The following STK32B variants were observed in gnomAD, a reference collection of about 807,000 sequenced individuals.
STK32B encodes serine/threonine-protein kinase 32B.
In STK32B, 43 loss-of-function variants were observed where a neutral mutation model predicts 52.6. The observed-to-expected ratio is 0.82, with a 90% CI of 0.64 to 1.05. The LOEUF is 1.05. Ranked by LOEUF, STK32B falls within the 50% of genes least tolerant of loss-of-function variation. The pLI is 0.00. For synonymous variants in STK32B, 238 were observed against 204.3 expected (o/e 1.17, Z -1.41); for missense variants, 621 against 534.6 (o/e 1.16, Z -1.59).
intron 1 of STK32B, among the ~76,000 whole-genome samples, chr4:5,135,644 G>A (rs1461750755): frequency 6.6e-6 from 1 of 152,152 alleles, no homozygotes; most frequent in South Asian, 2.1e-4. Flanking sequence ...ACAGGAAGGA[G>A]TGGCTTCCCT....
intron 3 of STK32B, among the ~76,000 whole-genome samples, chr4:5,250,870 G>T (rs1458560125): frequency 6.6e-6 from 1 of 152,128 alleles, no homozygotes; most frequent in Non-Finnish European, 1.5e-5. Context: ...CTTTTGAAAA[G>T]TGTCTGTTCA....
In STK32B at chr4:5,458,048, G is replaced by T. The variant is rs1050893929; in HGVS notation, c.783+1125G>T. 5.9e-5 allele frequency among the ~76,000 whole-genome samples: 9 copies of T among 152,172 alleles called. No individual in the cohort carries two copies. In the South Asian group the frequency reaches 6.2e-4, roughly 11 times the overall value. On this transcript the variant is annotated intron_variant, in intron 8 of 11. Coordinates refer to ENST00000282908, the MANE Select transcript of STK32B (RefSeq NM_018401.3). The stretch of plus-strand genomic sequence containing the variant: ...TTAGACTAAAGCAGTGGTTCCCAAG[G>T]TATGGGCCTAGGACCAGCCAGCATC...
chr4:5,193,211 T>G (rs544518299), intron 3 of STK32B, among the ~76,000 whole-genome samples: 1 of 152,218 alleles, frequency 6.6e-6, no homozygotes, highest in Non-Finnish European at 1.5e-5. Context: ...TAAGAGCATG[T>G]TGGAATCCGC....
intron 4 of STK32B, among the ~76,000 whole-genome samples, chr4:5,344,352 C>A (rs551185134): frequency 5.9e-5 from 9 of 152,312 alleles, no homozygotes; most frequent in Admixed American, 5.9e-4. Flanking sequence ...TACATAGTGT[C>A]TCTTACTATC....
At chr4:5,311,590 T>A (rs1730292063) in intron 3 of STK32B, among the ~76,000 whole-genome samples, 1 of 151,934 alleles carries the variant, frequency 6.6e-6, no homozygotes, top group Non-Finnish European at 1.5e-5. Context: ...AAACCAGGAA[T>A]GAAACAGAGG....
At chr4:5,368,379 C>T (rs1158933868) in intron 4 of STK32B, among the ~76,000 whole-genome samples, 1 of 151,106 alleles carries the variant, frequency 6.6e-6, no homozygotes, top group East Asian at 1.9e-4. Context: ...ACTATTATTC[C>T]TAATTATAAA....
chr4:5,444,806 A>G (rs555668258), intron 6 of STK32B, among the ~76,000 whole-genome samples: 1 of 152,306 alleles, frequency 6.6e-6, no homozygotes, highest in East Asian at 1.9e-4. Context: ...ATTCTACACA[A>G]CTGAGGCAGA....
chr4:5,238,528 A>G (rs1475444584), intron 3 of STK32B, among the ~76,000 whole-genome samples: 2 of 152,204 alleles, frequency 1.3e-5, no homozygotes, highest in Non-Finnish European at 2.9e-5. Flanking sequence ...ACACATGAAC[A>G]TGACCTCCAG....
intron 3 of STK32B, among the ~76,000 whole-genome samples, chr4:5,267,293 G>A (rs1359800150): frequency 6.6e-6 from 1 of 152,104 alleles, no homozygotes; most frequent in Non-Finnish European, 1.5e-5. Flanking sequence ...TTTAAATTCA[G>A]TTCAGTCTTT....
chr4:5,486,393 G>A (rs1388822792), intron 11 of STK32B, among the ~76,000 whole-genome samples: 3 of 152,188 alleles, frequency 2.0e-5, no homozygotes, highest in Admixed American at 6.5e-5. Context: ...AGCCAGGCGC[G>A]GGATGTAATT....
At chr4:5,188,328 T>C (rs746544210) in intron 3 of STK32B, among the ~76,000 whole-genome samples, 1 of 152,176 alleles carries the variant, frequency 6.6e-6, no homozygotes. Flanking sequence ...TAATGGGAAG[T>C]ATTCACCTGC....
chr4:5,265,347 A>G (rs1016410051), intron 3 of STK32B, among the ~76,000 whole-genome samples: 3 of 152,256 alleles, frequency 2.0e-5, no homozygotes, highest in South Asian at 4.1e-4. Flanking sequence ...AACCTGCTGC[A>G]TACATGGGCT....
intron 1 of STK32B, among the ~76,000 whole-genome samples, chr4:5,052,367 G>GC (rs1272687783): frequency 6.6e-6 from 1 of 152,104 alleles, no homozygotes; most frequent in Non-Finnish European, 1.5e-5. Flanking sequence ...TTGGTCTCGT[G>GC]CAAGGGCCTG....
At chr4:5,260,590 G>C (rs1726648055) in intron 3 of STK32B, among the ~76,000 whole-genome samples, 1 of 152,148 alleles carries the variant, frequency 6.6e-6, no homozygotes, top group African/African-American at 2.4e-5. Flanking sequence ...ACTTTGAAAG[G>C]GCCTTCTGGA....
intron 3 of STK32B, among the ~76,000 whole-genome samples, chr4:5,317,256 T>TAACATATATATAATATATAAC (rs1560313511): frequency 4.7e-5 from 2 of 42,820 alleles, no homozygotes; most frequent in African/African-American, 2.9e-4. Context: ...ATATATAACA[T>TAACATATATATAATATATAAC]ATAACATATA....
intron 3 of STK32B, among the ~76,000 whole-genome samples, chr4:5,322,970 C>G (rs1731615730): frequency 6.6e-6 from 1 of 152,192 alleles, no homozygotes; most frequent in Admixed American, 6.5e-5. Flanking sequence ...AGAAAACTGA[C>G]CTAGTGACCT....
intron 6 of STK32B, among the ~76,000 whole-genome samples, chr4:5,443,647 A>G (rs1036299941): frequency 7.9e-5 from 12 of 152,122 alleles, no homozygotes; most frequent in Non-Finnish European, 1.0e-4. Context: ...CTGGTGAGGA[A>G]CTGCATTCCT....
chr4:5,271,614 T>C (rs1191631334), intron 3 of STK32B, among the ~76,000 whole-genome samples: 3 of 148,020 alleles, frequency 2.0e-5, no homozygotes, highest in Admixed American at 6.6e-5. Flanking sequence ...ATTTTCACGA[T>C]ATTGATTCTT....
chr4:5,236,939 G>A (rs1412560651), intron 3 of STK32B, among the ~76,000 whole-genome samples: 1 of 152,138 alleles, frequency 6.6e-6, no homozygotes, highest in Non-Finnish European at 1.5e-5. Flanking sequence ...TGTGTAGTTT[G>A]AATACATGCT....
Sources: allele counts gnomAD v4.1 joint callset (sites outside exome capture counted in the v4.1 genomes callset), GRCh38; gene constraint gnomAD v4.1.1; transcripts MANE v1.5; gene names NCBI Gene and HGNC (gene_info 2026-07-23, HGNC 2026-07-21).